The following PPP2R2D variants were observed in gnomAD, a reference collection of about 807,000 sequenced individuals.
PPP2R2D encodes the protein protein phosphatase 2 regulatory subunit Bdelta, also known as serine/threonine-protein phosphatase 2A 55 kDa regulatory subunit B delta isoform.
Under a neutral mutation model 31.1 loss-of-function variants are expected in PPP2R2D, and 9 were observed. That is an observed-to-expected ratio of 0.29 (90% CI 0.17 to 0.51). PPP2R2D has a LOEUF of 0.51. PPP2R2D is among the 20% of genes least tolerant of loss of function. PPP2R2D has a pLI of 0.98. For synonymous variants in PPP2R2D, 179 were observed against 172.6 expected (o/e 1.04, Z -0.29); for missense variants, 391 against 465.6 (o/e 0.84, Z 1.48).
At chr10:131,923,061 A>G (rs1337208201) in intron 2 of PPP2R2D, among the ~76,000 whole-genome samples, 3 of 152,202 alleles carry the variant, frequency 2.0e-5, no homozygotes, top group African/African-American at 7.2e-5. Context: ...GTGCGGGTGA[A>G]TATTCAGTTT....
At chr10:131,964,303 G>A (rs576966126), downstream of PPP2R2D, among the ~76,000 whole-genome samples, 129 of 152,032 alleles carry the variant, frequency 8.5e-4, 1 homozygote, top group Middle Eastern at 3.4e-3. Context: ...AGCAGTTATT[G>A]GTATTTGCCT....
rs1554899955 is a variant in PPP2R2D, at chr10:131,956,168, G to T, written c.*205G>T. On this transcript the variant is annotated 3_prime_UTR_variant, in exon 9 of 9. Transcript: ENST00000455566. ...GCGAGACAGGCGCTGCTGCTCACGT[G>T]GAGACGCTCTCGAAGCAGAGTTGAC... 8 of 1,233,286 alleles carry T rather than the reference G, an allele frequency of 6.5e-6. No homozygotes were observed. Among genetic ancestry groups the T allele is most frequent in the Non-Finnish European group, 8.1e-6 (8 of 989,142 alleles). The allele number at this position is 1,233,286 out of a possible 1,614,324, so 76.4% of individuals were successfully genotyped here.
At chr10:131,911,076 G>C (rs1306633817) in intron 2 of PPP2R2D, among the ~76,000 whole-genome samples, 1 of 152,154 alleles carries the variant, frequency 6.6e-6, no homozygotes, top group Admixed American at 6.5e-5. Context: ...GCTCAGTGAG[G>C]GTTGTGGACA....
chr10:131,939,592 G>A (rs1461355226), intron 3 of PPP2R2D, among the ~76,000 whole-genome samples: 4 of 146,900 alleles, frequency 2.7e-5, no homozygotes, highest in Non-Finnish European at 6.0e-5. Flanking sequence ...CAGAGAACAC[G>A]GCAGGCTGCG....
rs554335877 is a variant in PPP2R2D at position 131,958,672 on chromosome 10, G to A, written c.*2709G>A. 1.1e-3 allele frequency: 272 copies of A among 250,952 alleles called. 2 individuals are homozygous for A. The highest frequency in any genetic ancestry group is 6.1e-3 in the African/African-American group (252 of 41,194). 15.5% of individuals were successfully genotyped at this position (250,952 alleles called of 1,614,324 possible). ...CCCATCCCCCTGTGGAGATGAAGAT[G>A]TGTGCTGATCCCCCGTCCTCCTGTG... On this transcript the variant is annotated 3_prime_UTR_variant, in exon 9 of 9. Coordinates refer to ENST00000455566, the MANE Select transcript of PPP2R2D (RefSeq NM_018461.5).
chr10:131,970,927 A>G, the PPP2R2D span: 4 of 1,614,234 alleles, frequency 2.5e-6, no homozygotes, highest in Admixed American at 1.7e-5. This position sits in a 1 kb window ranked among gnomAD's most constrained non-coding sequence, Gnocchi z 4.1. Flanking sequence ...TTTCTTCAAG[A>G]TGCTTTCAAC....
At position 131,919,927 on chromosome 10, in the gene PPP2R2D, A is replaced by G. The variant is rs142171311; in HGVS notation, c.101-14531A>G. Reference sequence around the variant, plus strand: ...GGACCTCAGGCGGGTGGAATGACACAGTGTTTGTAGGGACCTCACACGGGT... The same window carrying G: ...GGACCTCAGGCGGGTGGAATGACACGGTGTTTGTAGGGACCTCACACGGGT... On this transcript the variant is annotated intron_variant, in intron 2 of 8. Coordinates refer to ENST00000455566, the MANE Select transcript of PPP2R2D (RefSeq NM_018461.5). Among the ~76,000 whole-genome samples, 950 of 149,762 alleles carry G rather than the reference A, an allele frequency of 6.3e-3. 9 individuals are homozygous for G. The highest frequency in any genetic ancestry group is 0.023 in the African/African-American group (917 of 40,404).
At chr10:131,914,322 T>A (rs1185497549) in intron 2 of PPP2R2D, among the ~76,000 whole-genome samples, 1 of 152,238 alleles carries the variant, frequency 6.6e-6, no homozygotes, top group African/African-American at 2.4e-5. Context: ...ATCACACCAC[T>A]GCATTCCAGC....
chr10:131,938,170 C>T (rs896660880), intron 3 of PPP2R2D, among the ~76,000 whole-genome samples: 1 of 152,204 alleles, frequency 6.6e-6, no homozygotes, highest in Non-Finnish European at 1.5e-5. Context: ...TGCAGCAGTG[C>T]GGGTGTGGGT....
chr10:131,933,243 C>T (rs529766666), intron 2 of PPP2R2D, among the ~76,000 whole-genome samples: 2 of 147,484 alleles, frequency 1.4e-5, no homozygotes, highest in South Asian at 4.3e-4. Flanking sequence ...GGAAATCCTT[C>T]ACTAACACGA....
intron 2 of PPP2R2D, among the ~76,000 whole-genome samples, chr10:131,906,660 C>T (rs2119713262): frequency 1.3e-5 from 2 of 152,040 alleles, no homozygotes; most frequent in South Asian, 2.1e-4. Context: ...GTGGCTCACG[C>T]CTGTAGTCTC....
chr10:131,955,710 A>G lies in PPP2R2D; in HGVS notation c.1109A>G (p.Asn370Ser). 1 of 1,474,996 alleles carries G rather than the reference A, an allele frequency of 6.8e-7. No individual in the cohort carries two copies. The highest frequency in any genetic ancestry group is 9.0e-7 in the Non-Finnish European group (1 of 1,105,838). 91.4% of individuals were successfully genotyped at this position (1,474,996 alleles called of 1,614,324 possible). A position where few individuals can be genotyped will look rare whatever the true frequency, so the allele number is the denominator to read the frequency against. Residue 370 changes from asparagine (N) to serine (S), a missense_variant, in exon 9 of 9, where the codon AAC (asparagine) becomes AGC (serine). This residue lies in a region of PPP2R2D where 163 missense variants were observed against 179.5 expected (regional missense o/e 0.91). Transcript: ENST00000455566. ...GCCATCATGACCGGGTCCTATAACA[A>G]CTTCTTCAGGATGTTTGATAGAGAC... The part of the protein sequence containing the change: ...DSAIMTGSYN[N>S]FFRMFDRDTR...
intron 8 of PPP2R2D, among the ~76,000 whole-genome samples, chr10:131,949,326 C>T (rs2036599551): frequency 2.6e-5 from 4 of 152,112 alleles, no homozygotes; most frequent in Admixed American, 2.0e-4. Flanking sequence ...AGAGACATGA[C>T]CTCATTCCTC....
At chr10:131,965,954 A>G in the PPP2R2D span, among the ~76,000 whole-genome samples, 49 of 152,276 alleles carry the variant, frequency 3.2e-4, no homozygotes, top group East Asian at 8.7e-3. Flanking sequence ...TCGAGTCTCT[A>G]TGCGTGGGCA....
At chr10:131,912,886 A>C (rs2035706890) in intron 2 of PPP2R2D, among the ~76,000 whole-genome samples, 1 of 152,208 alleles carries the variant, frequency 6.6e-6, no homozygotes, top group African/African-American at 2.4e-5. Context: ...TGGGTGGCAG[A>C]CATCCAGGAG....
chr10:131,914,782 G>A (rs1008693553), intron 2 of PPP2R2D, among the ~76,000 whole-genome samples: 42 of 152,144 alleles, frequency 2.8e-4, no homozygotes, highest in Non-Finnish European at 7.4e-5. Flanking sequence ...GGGTGACATC[G>A]GGGGTGCCTG....
At chr10:131,964,815 A>AT (rs575181780), downstream of PPP2R2D, among the ~76,000 whole-genome samples, 46 of 151,644 alleles carry the variant, frequency 3.0e-4, no homozygotes, top group South Asian at 6.5e-3. Context: ...TCCATTTGGG[A>AT]TTCCCCCCCA....
chr10:131,955,643 C>T, intron 8 of PPP2R2D, 41 bp from the exon 9 acceptor site: 1 of 1,360,404 alleles, frequency 7.4e-7, no homozygotes, highest in South Asian at 2.4e-5. Context: ...CTGCCGCTCC[C>T]CCCACTGAGG....
In PPP2R2D at chr10:131,901,220, G is replaced by T; in HGVS notation, c.8-18G>T. The T allele has an allele frequency of 2.9e-6, 1 of 343,958 alleles. No homozygotes were observed. Among genetic ancestry groups the T allele is most frequent in the Non-Finnish European group, 5.2e-6 (1 of 191,194 alleles). The allele number at this position is 343,958 out of a possible 1,614,324, so 21.3% of individuals were successfully genotyped here. A position where few individuals can be genotyped will look rare whatever the true frequency, so the allele number is the denominator to read the frequency against. ...GGCGGGGGCCGCGGCCGGCCTGACC[G>T]CCCCGTTGTGTTTGCAGGAGCCGGA... On this transcript the variant is annotated intron_variant, in intron 1 of 8. Coordinates refer to ENST00000455566, the MANE Select transcript of PPP2R2D (RefSeq NM_018461.5).
Sources: allele counts gnomAD v4.1 joint callset (sites outside exome capture counted in the v4.1 genomes callset), GRCh38; gene constraint gnomAD v4.1.1; regional missense constraint gnomAD v4.1.1; non-coding constraint Gnocchi (gnomAD v3.1); transcripts MANE v1.5; gene names NCBI Gene and HGNC (gene_info 2026-07-23, HGNC 2026-07-21).